HPSE2: variants seen among roughly 807,000 people sequenced by gnomAD.
HPSE2 encodes the protein heparanase 2 (inactive), also known as inactive heparanase-2.
In HPSE2, 38 loss-of-function variants were observed where a neutral mutation model predicts 60.5. That is an observed-to-expected ratio of 0.63 (90% CI 0.48 to 0.82). The LOEUF (loss-of-function observed/expected upper bound fraction) is 0.82, where lower values mean the gene tolerates loss of function less well. Among genes scored for constraint, HPSE2 ranks in the 40% least tolerant of loss-of-function variants. HPSE2 has a pLI of 0.00. For missense variants in HPSE2, 713 were observed against 740.4 expected (o/e 0.96, Z 0.43); for synonymous variants, 295 against 293.2 (o/e 1.01, Z -0.06).
chr10:99,176,952 G>T (rs941855662), intron 2 of HPSE2, among the ~76,000 whole-genome samples: 1 of 152,116 alleles, frequency 6.6e-6, no homozygotes, highest in African/African-American at 2.4e-5. Flanking sequence ...TCAGAAGAAA[G>T]TGGGGACCAA....
chr10:99,295,486 C>A, the HPSE2 span, among the ~76,000 whole-genome samples: 1 of 152,144 alleles, frequency 6.6e-6, no homozygotes, highest in African/African-American at 2.4e-5. Context: ...CATACATAAA[C>A]ACACTCACAG....
intron 9 of HPSE2, among the ~76,000 whole-genome samples, chr10:98,598,494 G>A (rs569385781): frequency 6.6e-6 from 1 of 152,314 alleles, no homozygotes; most frequent in South Asian, 2.1e-4. Flanking sequence ...CATAGAGGTT[G>A]ACCTGGTGCT....
chr10:98,663,332 T>C (rs1045848350), intron 6 of HPSE2, among the ~76,000 whole-genome samples: 1 of 152,080 alleles, frequency 6.6e-6, no homozygotes, highest in East Asian at 1.9e-4. Flanking sequence ...ATGGAACTTA[T>C]ATTCTAGAAG....
At chr10:98,581,703 T>C (rs1944802989) in intron 9 of HPSE2, among the ~76,000 whole-genome samples, 1 of 152,154 alleles carries the variant, frequency 6.6e-6, no homozygotes, top group African/African-American at 2.4e-5. Flanking sequence ...AAAGCAATTA[T>C]AAAACGAAAT....
chr10:99,212,661 T>C (rs1163091922), intron 2 of HPSE2, among the ~76,000 whole-genome samples: 7 of 152,102 alleles, frequency 4.6e-5, no homozygotes, highest in Non-Finnish European at 7.4e-5. Flanking sequence ...TTGGGAGATA[T>C]TGCTCAAAGG....
chr10:99,261,743 A>C, the HPSE2 span, among the ~76,000 whole-genome samples: 1 of 152,158 alleles, frequency 6.6e-6, no homozygotes, highest in African/African-American at 2.4e-5. Flanking sequence ...GAAGAGTTGC[A>C]ATTACTTGCC....
chr10:98,775,198 C>A (rs1950313562), intron 3 of HPSE2, among the ~76,000 whole-genome samples: 1 of 152,192 alleles, frequency 6.6e-6, no homozygotes, highest in Non-Finnish European at 1.5e-5. Context: ...TATTTCATTG[C>A]AGAATTGCAA....
intron 9 of HPSE2, among the ~76,000 whole-genome samples, chr10:98,609,012 T>C (rs993316766): frequency 2.0e-5 from 3 of 152,236 alleles, no homozygotes; most frequent in South Asian, 2.1e-4. Flanking sequence ...CTAACATGAT[T>C]CACTGGAAAA....
rs951303905 is a variant in HPSE2, at chr10:98,721,932, A to G, written c.785-104T>C. ...GCCTTTTTCTTAATAATATGAAAAA[A>G]AAAAACAATAAAAAAGTGGGTGTGA... On this transcript the variant is annotated intron_variant, in intron 4 of 11. Transcript: ENST00000370552. The G allele has an allele frequency of 9.0e-5, 87 of 961,548 alleles. No individual in the cohort carries two copies. The Admixed American group carries it at 1.8e-3, about 20-fold the overall frequency. The allele number at this position is 961,548 out of a possible 1,614,324, so 59.6% of individuals were successfully genotyped here.
chr10:98,732,496 T>A (rs1197139796), intron 4 of HPSE2, among the ~76,000 whole-genome samples: 1 of 151,324 alleles, frequency 6.6e-6, no homozygotes, highest in African/African-American at 2.4e-5. Flanking sequence ...GTCAATTGAT[T>A]TTTTTTTTAC....
At chr10:98,550,651 A>G (rs1943835354) in intron 9 of HPSE2, among the ~76,000 whole-genome samples, 1 of 151,916 alleles carries the variant, frequency 6.6e-6, no homozygotes, top group African/African-American at 2.4e-5. Flanking sequence ...ATATTATAGT[A>G]TTGTAGTAGA....
chr10:98,951,729 C>T (rs765287885), intron 3 of HPSE2, among the ~76,000 whole-genome samples: 41 of 152,182 alleles, frequency 2.7e-4, no homozygotes, highest in Middle Eastern at 3.4e-3. Flanking sequence ...CATAAGCTCC[C>T]CAAAGGCAGA....
intron 2 of HPSE2, among the ~76,000 whole-genome samples, chr10:99,164,782 T>A (rs1468933875): frequency 6.6e-6 from 1 of 152,130 alleles, no homozygotes; most frequent in Admixed American, 6.5e-5. Context: ...CCCAGCACTT[T>A]GGGAGGCCAA....
Position 98,913,395 on chromosome 10 carries a change from C to T in HPSE2, c.611-169339G>A, listed in dbSNP as rs542354835. Among the ~76,000 whole-genome samples, 31 of 152,218 alleles carry T rather than the reference C, an allele frequency of 2.0e-4. 1 individual carries two copies. In the South Asian group the frequency reaches 6.0e-3, roughly 30 times the overall value. The stretch of plus-strand genomic sequence containing the variant: ...TCTGCTTTAATAGAACTGTTGAGAT[C>T]GATTACAGGACACAAATCACTTATA... On this transcript the variant is annotated intron_variant, in intron 3 of 11. Transcript: ENST00000370552.
At chr10:98,533,600 T>C (rs551367682) in intron 9 of HPSE2, among the ~76,000 whole-genome samples, 2 of 152,296 alleles carry the variant, frequency 1.3e-5, no homozygotes, top group South Asian at 2.1e-4. Context: ...CTGATTGCTA[T>C]TCAAGAAAGA....
chr10:98,610,334 T>C (rs1371528092), intron 9 of HPSE2, among the ~76,000 whole-genome samples: 1 of 152,204 alleles, frequency 6.6e-6, no homozygotes, highest in Non-Finnish European at 1.5e-5. Flanking sequence ...GATCTTGTGA[T>C]AGGCTCATCA....
At position 98,935,385 on chromosome 10, in the gene HPSE2, A is replaced by G. The variant is rs2135124611; in HGVS notation, c.611-191329T>C. 1.4e-5 allele frequency among the ~76,000 whole-genome samples: 2 copies of G among 143,726 alleles called. 1 individual carries two copies. Among genetic ancestry groups the G allele is most frequent in the Non-Finnish European group, 3.0e-5 (2 of 67,090 alleles). 94.3% of individuals were successfully genotyped at this position (143,726 alleles called of 152,430 possible). A position where few individuals can be genotyped will look rare whatever the true frequency, so the allele number is the denominator to read the frequency against. ...AAGCATTCTGGCTTTTGAGATTTTC[A>G]GCATTTTTGCATTGGTTTTTCCTCA... is the stretch of plus-strand genomic sequence containing the variant. On this transcript the variant is annotated intron_variant, in intron 3 of 11. Transcript: ENST00000370552.
At chr10:98,960,735 A>ATTT (rs1192601127) in intron 3 of HPSE2, among the ~76,000 whole-genome samples, 2 of 48,364 alleles carry the variant, frequency 4.1e-5, no homozygotes, top group African/African-American at 1.6e-4. Context: ...TATTTTTTTT[A>ATTT]TTTTATTTTT....
intron 9 of HPSE2, among the ~76,000 whole-genome samples, chr10:98,549,267 A>G (rs915504242): frequency 1.3e-5 from 2 of 152,210 alleles, no homozygotes; most frequent in African/African-American, 4.8e-5. Flanking sequence ...TTTACCTTAT[A>G]TAGTTGTTGA....
Sources: gnomAD v4.1 joint callset for allele counts (sites outside exome capture counted in the v4.1 genomes callset) on GRCh38, gnomAD v4.1.1 for gene constraint, MANE v1.5 for transcripts, NCBI Gene and HGNC (gene_info 2026-07-23, HGNC 2026-07-21) for gene names.